Variants in RPL3L observed in about 807,000 individuals in gnomAD.
RPL3L encodes ribosomal protein uL3-like.
Under a neutral mutation model 44.5 loss-of-function variants are expected in RPL3L, and 44 were observed. The ratio of observed to expected loss-of-function variants is 0.99; its 90% CI spans 0.78 to 1.27. The LOEUF (loss-of-function observed/expected upper bound fraction) is 1.27, where lower values mean the gene tolerates loss of function less well. RPL3L is among the 50% of genes most tolerant of loss of function. The pLI is 0.00. For missense variants in RPL3L, 631 were observed against 569.1 expected, an observed-to-expected ratio of 1.11 and a Z score of -1.11; for synonymous variants, 292 against 230.7, an observed-to-expected ratio of 1.27 and a Z score of -2.41.
Position 1,952,991 on chromosome 16 carries a change from G to T in RPL3L, c.248C>A (p.Pro83His). ...GCCCACCACGCCCACCACCACTAGG[G>T]GCGGCGTTTCTACAATTGTCACCGC... ...VEAVTIVETP[P>H]LVVVGVVGYV... The change falls in exon 3 of 10, where the codon CCC (proline) becomes CAC (histidine). Residue 83 changes from proline to histidine, a missense_variant. Pro to His is a moderately conservative substitution (Grantham distance 77). Transcript: ENST00000268661. 1 of 1,611,026 alleles carries T rather than the reference G, an allele frequency of 6.2e-7. No homozygotes were observed. Among genetic ancestry groups the T allele is most frequent in the Non-Finnish European group, 8.5e-7 (1 of 1,178,974 alleles).
intron 4 of RPL3L, among the ~76,000 whole-genome samples, chr16:1,949,644 C>A (rs1056258244): frequency 7.0e-6 from 1 of 143,596 alleles, no homozygotes; most frequent in Non-Finnish European, 1.5e-5. Flanking sequence ...GAGAGGCCAG[C>A]GGGGAACACA....
chr16:1,949,677 GGGCAGGTATGTATGA>G (rs1255712485), intron 4 of RPL3L, among the ~76,000 whole-genome samples: 10 of 148,348 alleles, frequency 6.7e-5, no homozygotes, highest in Admixed American at 3.4e-4. Context: ...GGTATGTATG[GGGCAGGTATGTATGA>G]GGCAGGTATG....
At chr16:1,950,000 T>A (rs1443059397) in intron 4 of RPL3L, among the ~76,000 whole-genome samples, 1 of 130,576 alleles carries the variant, frequency 7.7e-6, no homozygotes, top group African/African-American at 3.0e-5. Flanking sequence ...AGGGCAGGTA[T>A]GTAGGGGGCA....
chr16:1,954,184 T>C, intron 1 of RPL3L, 36 bp from the exon 2 acceptor site: 1 of 1,504,588 alleles, frequency 6.6e-7, no homozygotes, highest in Non-Finnish European at 8.9e-7. Context: ...AGACCTGGGG[T>C]GTCCCTGGTG....
At chr16:1,951,801 T>C (rs2083173819) in intron 3 of RPL3L, among the ~76,000 whole-genome samples, 1 of 150,052 alleles carries the variant, frequency 6.7e-6, no homozygotes, top group Admixed American at 6.7e-5. Flanking sequence ...AACCAAGGTT[T>C]CTTTCAGGAC....
Position 1,944,474 on chromosome 16 carries a change from G to T in RPL3L, c.*363C>A. On this transcript the variant is annotated 3_prime_UTR_variant, in exon 10 of 10. Transcript: ENST00000268661. ...CCTGGCTCACTGGCTCTCCCCACCCGCCAAGTTATCCTTAAAAACTCTGCT... is the reference window on the plus strand; with the variant it reads ...CCTGGCTCACTGGCTCTCCCCACCCTCCAAGTTATCCTTAAAAACTCTGCT... 5.9e-6 allele frequency: 1 copy of T among 168,942 alleles called. No individual in the cohort carries two copies. Among genetic ancestry groups the T allele is most frequent in the Non-Finnish European group, 1.2e-5 (1 of 82,296 alleles). The allele number at this position is 168,942 out of a possible 1,614,324, so 10.5% of individuals were successfully genotyped here. A position where few individuals can be genotyped will look rare whatever the true frequency, so the allele number is the denominator to read the frequency against.
chr16:1,947,759 C>T (rs2083135213), intron 4 of RPL3L, among the ~76,000 whole-genome samples: 1 of 152,008 alleles, frequency 6.6e-6, no homozygotes, highest in African/African-American at 2.4e-5. Context: ...TGGAGAGGCT[C>T]TGGGCAGCAG....
At chr16:1,953,153 G>A in intron 2 of RPL3L, 111 bp from the exon 3 acceptor site, 1 of 1,133,020 alleles carries the variant, frequency 8.8e-7, no homozygotes. Flanking sequence ...GGGCCAGCCA[G>A]GACAGCATTC....
At position 1,953,061 on chromosome 16, in the gene RPL3L, T is replaced by G. The variant is rs201187997; in HGVS notation, c.197-19A>C. On this transcript the variant is annotated intron_variant, in intron 2 of 9. Coordinates refer to ENST00000268661, the MANE Select transcript of RPL3L (RefSeq NM_005061.3). ...GAAATTTCTGGATGAGACACAGGGA[T>G]GGGGCATGAAGGGGGACCTCCTGAG... 5.1e-5 allele frequency: 80 copies of G among 1,575,894 alleles called. No individual in the cohort carries two copies. In the East Asian group the frequency reaches 1.6e-3, roughly 32 times the overall value.
Position 1,944,934 on chromosome 16 carries a change from G to A in RPL3L, c.1168-41C>T, listed in dbSNP as rs759109851. 4 of 1,484,072 alleles carry A rather than the reference G, an allele frequency of 2.7e-6. No homozygotes were observed. In the South Asian group the frequency reaches 3.5e-5, roughly 13 times the overall value. 91.9% of individuals were successfully genotyped at this position (1,484,072 alleles called of 1,614,324 possible). A position where few individuals can be genotyped will look rare whatever the true frequency, so the allele number is the denominator to read the frequency against. ...GTGCAGGAGGAGCCTTAGTCACTCT[G>A]GCCAGAAACACGCCCTCCCCCAGCC... is the stretch of plus-strand genomic sequence containing the variant. On this transcript the variant is annotated intron_variant, in intron 9 of 9. Transcript: ENST00000268661.
chr16:1,951,629 G>A (rs568821552), intron 3 of RPL3L, among the ~76,000 whole-genome samples: 1 of 151,908 alleles, frequency 6.6e-6, no homozygotes, highest in South Asian at 2.1e-4. Flanking sequence ...CGGTCTGCCT[G>A]CCTTAGCCTC....
At position 1,946,900 on chromosome 16, in the gene RPL3L, G is replaced by A. The variant is rs201584875; in HGVS notation, c.849+38C>T. ...AGGCCAGTACTGAGGGCTGGGGTCC[G>A]ACCACACAGTGTCCCCGTACCCCGG... On this transcript the variant is annotated intron_variant, in intron 6 of 9. Transcript: ENST00000268661. The A allele has an allele frequency of 5.6e-5, 88 of 1,575,332 alleles. No homozygotes were observed. The African/African-American group carries it at 7.1e-4, about 13-fold the overall frequency.
At chr16:1,951,158 C>A (rs73494196) in intron 3 of RPL3L, among the ~76,000 whole-genome samples, 179 bp from the exon 4 acceptor site, 1 of 152,134 alleles carries the variant, frequency 6.6e-6, no homozygotes, top group Admixed American at 6.5e-5. Context: ...TGTCTCTCCC[C>A]CTCTAGGCCC....
chr16:1,951,057 C>A, intron 3 of RPL3L, 78 bp from the exon 4 acceptor site: 2 of 1,551,644 alleles, frequency 1.3e-6, no homozygotes, highest in African/African-American at 1.4e-5. Context: ...CCACCTCACC[C>A]CCAGCCCACC....
intron 4 of RPL3L, among the ~76,000 whole-genome samples, chr16:1,948,225 C>A (rs1047571613): frequency 6.6e-6 from 1 of 150,464 alleles, no homozygotes; most frequent in African/African-American, 2.4e-5. Flanking sequence ...GCGTGAGCCA[C>A]CACGCCCGGC....
chr16:1,952,738 C>A, intron 3 of RPL3L, 136 bp downstream of exon 3: 1 of 989,308 alleles, frequency 1.0e-6, no homozygotes, highest in Non-Finnish European at 1.5e-6. Flanking sequence ...CACAGACACT[C>A]CTACCTCCCA....
At chr16:1,945,649 G>C (rs371899283) in intron 8 of RPL3L, 31 bp from the exon 9 acceptor site, 1 of 1,613,224 alleles carries the variant, frequency 6.2e-7, no homozygotes, top group African/African-American at 1.3e-5. Flanking sequence ...TAAACATCAA[G>C]TGTGGGGATC....
chr16:1,946,925 G>T lies in RPL3L; in HGVS notation c.849+13C>A. On this transcript the variant is annotated intron_variant, in intron 6 of 9. Coordinates refer to ENST00000268661, the MANE Select transcript of RPL3L (RefSeq NM_005061.3). Reference sequence around the variant, plus strand: ...GACCACACAGTGTCCCCGTACCCCGGCTGAGGACGCACCTTCTTGTTGAGC... The same window carrying T: ...GACCACACAGTGTCCCCGTACCCCGTCTGAGGACGCACCTTCTTGTTGAGC... 1 of 1,592,542 alleles carries T rather than the reference G, an allele frequency of 6.3e-7. No homozygotes were observed.
chr16:1,945,613 G>C lies in RPL3L; in HGVS notation c.1053C>G (p.Leu351=), dbSNP rs1329606516. Residue 351 remains leucine, a synonymous_variant, in exon 9 of 10, where the codon CTC becomes CTG. Coordinates refer to ENST00000268661, the MANE Select transcript of RPL3L (RefSeq NM_005061.3). ...CGGCTTGGCGACTGTGATGCACCAG[G>C]AGGGACTGGGGAATCCATGGTAAAG... ...KKRVITLRKS[L]LVHHSRQAVE... is the part of the protein sequence containing the mutation. 6.2e-7 allele frequency: 1 copy of C among 1,613,908 alleles called. No homozygotes were observed. Among genetic ancestry groups the C allele is most frequent in the Admixed American group, 1.7e-5 (1 of 60,026 alleles).
Sources: gnomAD v4.1 joint callset for allele counts (sites outside exome capture counted in the v4.1 genomes callset) on GRCh38, gnomAD v4.1.1 for gene constraint, MANE v1.5 for transcripts, NCBI Gene and HGNC (gene_info 2026-07-23, HGNC 2026-07-21) for gene names.